The following ADCY10 variants were observed in gnomAD, a reference collection of about 807,000 sequenced individuals.
ADCY10 encodes adenylate cyclase type 10.
ADCY10 carries 156 observed loss-of-function variants against 183.3 expected under a neutral mutation model. That is an observed-to-expected ratio of 0.85 (90% CI 0.75 to 0.97). The LOEUF is 0.97. ADCY10 is among the 50% of genes least tolerant of loss of function. ADCY10 has a pLI of 0.00. For missense variants in ADCY10, 1,745 were observed against 1,934.3 expected (o/e 0.90, Z 1.84); for synonymous variants, 645 against 670.0 (o/e 0.96, Z 0.58).
rs2102043400 is a variant in ADCY10 at position 167,859,859 on chromosome 1, G to T, written c.1844C>A (p.Thr615Asn). The T allele has an allele frequency of 6.2e-7, 1 of 1,613,412 alleles. No individual in the cohort carries two copies. The highest frequency in any genetic ancestry group is 1.1e-5 in the South Asian group (1 of 91,046). Residue 615 changes from threonine to asparagine, a missense_variant, in exon 16 of 33, where the codon ACC becomes AAC. Coordinates refer to ENST00000367851, the MANE Select transcript of ADCY10 (RefSeq NM_018417.6). ...TTCCAATTGTTTTTGCTTTTTCAAG[G>T]TGCTCATCCTGGAAATCTCCCGAGA... ...PISREISRMS[T>N]LKKQKQLEIL...
chr1:167,844,130 A>T (rs1346616824), intron 21 of ADCY10, among the ~76,000 whole-genome samples: 1 of 152,244 alleles, frequency 6.6e-6, no homozygotes, highest in Non-Finnish European at 1.5e-5. Context: ...ATTTTGTAAA[A>T]ATATAACAAA....
rs200703036 is a variant in ADCY10, at chr1:167,823,095, G to A, written c.4081C>T (p.Arg1361Trp). 67 of 1,613,926 alleles carry A rather than the reference G, an allele frequency of 4.2e-5. No individual in the cohort carries two copies. The Admixed American group carries it at 7.2e-4, about 17-fold the overall frequency. The stretch of plus-strand genomic sequence containing the variant: ...TGTGTTACAGAAAGCTCCCACAGCC[G>A]CCCCAGCACCTGGATCAATTGCGGG... ...RYPQLIQVLGRLWELSVTQEH... is the reference protein window; with the variant it reads ...RYPQLIQVLGWLWELSVTQEH... Residue 1361 changes from arginine (R) to tryptophan (W), a missense_variant, in exon 29 of 33, where the codon CGG becomes TGG. Arg to Trp is a moderately radical substitution (Grantham distance 101). Transcript: ENST00000367851.
At chr1:167,891,632 G>T (rs1668601302) in intron 8 of ADCY10, among the ~76,000 whole-genome samples, 1 of 149,710 alleles carries the variant, frequency 6.7e-6, no homozygotes, top group Non-Finnish European at 1.5e-5. Flanking sequence ...CTCCAGCCTG[G>T]GCGACAGAAT....
In ADCY10 at chr1:167,880,563, G is replaced by A; in HGVS notation, c.1067C>T (p.Pro356Leu). The A allele has an allele frequency of 1.9e-6, 3 of 1,614,106 alleles. No homozygotes were observed. Among genetic ancestry groups the A allele is most frequent in the Non-Finnish European group, 2.5e-6 (3 of 1,180,004 alleles). ...TTCCAGAGCATGAGTGAGCTCGTCAGGTACCTTTTCCCCAGGGAAGCCAAA... is the reference window on the plus strand; with the variant it reads ...TTCCAGAGCATGAGTGAGCTCGTCAAGTACCTTTTCCCCAGGGAAGCCAAA... ...CVFGFPGEKV[P>L]DELTHALECA... Residue 356 changes from proline to leucine, a missense_variant, in exon 10 of 33, where the codon CCT (proline) becomes CTT (leucine). Transcript: ENST00000367851.
chr1:167,819,859 C>A, intron 30 of ADCY10: 1 of 763,654 alleles, frequency 1.3e-6, no homozygotes, highest in Non-Finnish European at 2.3e-6. Flanking sequence ...GCCACCGCGC[C>A]CGGCATGATT....
At chr1:167,849,087 G>C (rs1487370631) in intron 18 of ADCY10, among the ~76,000 whole-genome samples, 1 of 152,070 alleles carries the variant, frequency 6.6e-6, no homozygotes, top group Admixed American at 6.6e-5. Context: ...ACAAACGTTT[G>C]ATTCACAGTC....
At chr1:167,838,061 G>A (rs1196692296) in intron 21 of ADCY10, among the ~76,000 whole-genome samples, 1 of 152,198 alleles carries the variant, frequency 6.6e-6, no homozygotes, top group South Asian at 2.1e-4. Flanking sequence ...TAGTGGTGGA[G>A]GCAGGACTAG....
intron 26 of ADCY10, among the ~76,000 whole-genome samples, 190 bp from the exon 27 acceptor site, chr1:167,825,045 A>G (rs775751916): frequency 2.0e-5 from 3 of 152,268 alleles, no homozygotes; most frequent in Non-Finnish European, 4.4e-5. Flanking sequence ...GTCATTCAGG[A>G]TAAGCTTGAT....
chr1:167,909,539 T>A (rs1670020209), intron 1 of ADCY10, among the ~76,000 whole-genome samples: 1 of 149,932 alleles, frequency 6.7e-6, no homozygotes, highest in Non-Finnish European at 1.5e-5. Context: ...CTTAAAACAT[T>A]ATGAGATTTT....
intron 31 of ADCY10, among the ~76,000 whole-genome samples, chr1:167,811,551 C>G (rs185169360): frequency 5.2e-4 from 79 of 152,312 alleles, no homozygotes; most frequent in Non-Finnish European, 4.9e-4. Flanking sequence ...CGTGCCACTG[C>G]ACTCCAGCCT....
chr1:167,897,332 C>CA (rs1198279246), intron 6 of ADCY10, among the ~76,000 whole-genome samples: 13,446 of 118,320 alleles, frequency 0.11, 707 homozygotes, highest in Admixed American at 0.15. Context: ...ACCAAAAATA[C>CA]AAAAAAAAAA....
intron 13 of ADCY10, among the ~76,000 whole-genome samples, chr1:167,871,215 A>C (rs1040123006): frequency 1.3e-5 from 2 of 152,198 alleles, no homozygotes; most frequent in East Asian, 3.8e-4. Context: ...TCTGTGATAA[A>C]GGAAATTTGC....
In ADCY10 at chr1:167,818,113, G is replaced by C. The variant is rs763430872; in HGVS notation, c.4441C>G (p.Gln1481Glu). The part of the protein sequence containing the change: ...VLHLQKQIKE[Q>E]SENAQASGEE... The stretch of plus-strand genomic sequence containing the variant: ...CCACTGGCTTGGGCATTCTCTGACT[G>C]TTCTTTGATTTGTTTTTGAAGGTGA... Residue 1481 changes from glutamine (Q) to glutamate (E), a missense_variant, in exon 31 of 33, where the codon CAG becomes GAG. Coordinates refer to ENST00000367851, the MANE Select transcript of ADCY10 (RefSeq NM_018417.6). 2 of 1,614,064 alleles carry C rather than the reference G, an allele frequency of 1.2e-6. No individual in the cohort carries two copies. Among genetic ancestry groups the C allele is most frequent in the African/African-American group, 1.3e-5 (1 of 74,934 alleles).
chr1:167,906,357 C>T (rs1168257764), intron 1 of ADCY10, among the ~76,000 whole-genome samples: 1 of 149,462 alleles, frequency 6.7e-6, no homozygotes, highest in Non-Finnish European at 1.5e-5. Flanking sequence ...AAACATATAA[C>T]TAAGGTTTAA....
At chr1:167,886,554 G>T (rs890949584) in intron 8 of ADCY10, among the ~76,000 whole-genome samples, 2 of 152,008 alleles carry the variant, frequency 1.3e-5, no homozygotes, top group Non-Finnish European at 2.9e-5. Flanking sequence ...AATTCAAGAT[G>T]GATTAAAGAC....
intron 1 of ADCY10, among the ~76,000 whole-genome samples, chr1:167,909,410 C>T (rs1027183826): frequency 6.6e-6 from 1 of 152,130 alleles, no homozygotes; most frequent in Non-Finnish European, 1.5e-5. Context: ...AGTGGAATTG[C>T]TGGGTCATAG....
chr1:167,860,743 G>T, intron 15 of ADCY10, 128 bp downstream of exon 15: 1 of 760,058 alleles, frequency 1.3e-6, no homozygotes. Context: ...AGGATTGGGA[G>T]CCATTTACTC....
chr1:167,847,748 T>C (rs1409583921), intron 19 of ADCY10, among the ~76,000 whole-genome samples: 2 of 152,176 alleles, frequency 1.3e-5, no homozygotes, highest in Non-Finnish European at 2.9e-5. Context: ...TATAAACTCG[T>C]TTGTCATTTC....
intron 13 of ADCY10, among the ~76,000 whole-genome samples, chr1:167,874,176 T>A (rs1490685907): frequency 6.6e-6 from 1 of 151,822 alleles, no homozygotes; most frequent in East Asian, 1.9e-4. Context: ...CACTAAAATA[T>A]AAAAATTAGC....
Sources: allele counts gnomAD v4.1 joint callset (sites outside exome capture counted in the v4.1 genomes callset), GRCh38; gene constraint gnomAD v4.1.1; transcripts MANE v1.5; gene names NCBI Gene and HGNC (gene_info 2026-07-23, HGNC 2026-07-21).